AK8: variants seen among roughly 807,000 people sequenced by gnomAD.
AK8 encodes ATP-AMP transphosphorylase 8.
In AK8, 44 loss-of-function variants were observed where a neutral mutation model predicts 54.6. That is an observed-to-expected ratio of 0.81 (90% CI 0.63 to 1.04). The LOEUF (loss-of-function observed/expected upper bound fraction) is 1.04. Among genes scored for constraint, AK8 ranks in the 50% least tolerant of loss-of-function variants. AK8 has a pLI of 0.00. For synonymous variants in AK8, 239 were observed against 245.6 expected (o/e 0.97, Z 0.25); for missense variants, 555 against 613.6 (o/e 0.90, Z 1.01).
At chr9:132,798,477 G>T (rs1188891779) in intron 10 of AK8, among the ~76,000 whole-genome samples, 1 of 152,152 alleles carries the variant, frequency 6.6e-6, no homozygotes, top group Non-Finnish European at 1.5e-5. Context: ...CCTCCTCTCA[G>T]ACAGAGATTT....
rs147823096 is a variant in AK8, at chr9:132,875,523, T to C, written c.85-324A>G. Among the ~76,000 whole-genome samples the C allele has an allele frequency of 7.4e-4, 112 of 152,322 alleles. 1 individual carries two copies. The highest frequency in any genetic ancestry group is 2.4e-3 in the African/African-American group (99 of 41,584). On this transcript the variant is annotated intron_variant, in intron 1 of 12. Coordinates refer to ENST00000298545, the MANE Select transcript of AK8 (RefSeq NM_152572.3). ...CCAGCCTTCTCCAAGTTCTCAAGCA[T>C]CACCATTCCCCTCAGAGCCTTAGCA...
intron 10 of AK8, among the ~76,000 whole-genome samples, chr9:132,794,673 T>C (rs192006034): frequency 2.1e-4 from 32 of 152,318 alleles, no homozygotes; most frequent in Admixed American, 2.6e-4. Context: ...GTCTGGCACA[T>C]AGTAGGTGTT....
At chr9:132,858,911 G>T (rs1843278744) in intron 4 of AK8, among the ~76,000 whole-genome samples, 1 of 152,186 alleles carries the variant, frequency 6.6e-6, no homozygotes, top group Non-Finnish European at 1.5e-5. Context: ...CTGGATGAAG[G>T]CCAGGAAATT....
At chr9:132,843,586 G>A (rs1842626955) in intron 5 of AK8, among the ~76,000 whole-genome samples, 1 of 152,206 alleles carries the variant, frequency 6.6e-6, no homozygotes. Flanking sequence ...AAGGTGGCGG[G>A]TACTGAGTGG....
At chr9:132,852,826 A>G (rs1843022072) in intron 5 of AK8, among the ~76,000 whole-genome samples, 1 of 151,174 alleles carries the variant, frequency 6.6e-6, no homozygotes, top group African/African-American at 2.4e-5. Flanking sequence ...AGAAAAAAAA[A>G]GACTGGAGCC....
chr9:132,756,946 T>TC (rs145126343), intron 11 of AK8, among the ~76,000 whole-genome samples: 218 of 152,002 alleles, frequency 1.4e-3, no homozygotes, highest in Admixed American at 4.0e-3. Flanking sequence ...CAAAGCCATT[T>TC]CCCCCCCAAA....
chr9:132,772,212 G>A (rs575970902), intron 11 of AK8, among the ~76,000 whole-genome samples: 35 of 152,302 alleles, frequency 2.3e-4, no homozygotes, highest in African/African-American at 8.4e-4. Context: ...CTCACTGGGT[G>A]TTAGACTCTG....
At chr9:132,730,617 A>G (rs530180169) in intron 11 of AK8, among the ~76,000 whole-genome samples, 7 of 152,210 alleles carry the variant, frequency 4.6e-5, no homozygotes, top group Non-Finnish European at 7.4e-5. Flanking sequence ...AGAACTGCTC[A>G]GTCAGGGGCA....
At chr9:132,875,070 G>GGAT in intron 2 of AK8, 45 bp downstream of exon 2, 3 of 1,610,686 alleles carry the variant, frequency 1.9e-6, no homozygotes, top group Non-Finnish European at 2.5e-6. Flanking sequence ...AGGAGGAGGA[G>GGAT]GGGAAGGGAA....
At chr9:132,731,519 C>G (rs1256664858) in intron 11 of AK8, among the ~76,000 whole-genome samples, 3 of 152,162 alleles carry the variant, frequency 2.0e-5, no homozygotes, top group African/African-American at 7.2e-5. Context: ...AGAAGGCGAA[C>G]TGGTCTCTCT....
rs529615977 is a variant in AK8, at chr9:132,732,702, CAGA to C, written c.1122-5171_1122-5169del. Among the ~76,000 whole-genome samples, 635 of 152,226 alleles carry C rather than the reference CAGA, an allele frequency of 4.2e-3. 1 individual carries two copies. The highest frequency in any genetic ancestry group is 6.7e-3 in the Non-Finnish European group (456 of 68,008). On this transcript the variant is annotated intron_variant, in intron 11 of 12. Coordinates refer to ENST00000298545, the MANE Select transcript of AK8 (RefSeq NM_152572.3). ...GAGAATGAAGTTCACGCCACGAGAG[CAGA>C]AAGATGGTGAGAGACATTGTTTGGG...
At chr9:132,871,240 CA>C (rs202221001) in intron 2 of AK8, among the ~76,000 whole-genome samples, 2,548 of 152,134 alleles carry the variant, frequency 0.017, 46 homozygotes, top group Middle Eastern at 0.027. Flanking sequence ...AGCCAGACTC[CA>C]TCTCAAAACA....
chr9:132,863,557 T>A lies in AK8; in HGVS notation c.333+108A>T, dbSNP rs376810902. 7.1e-4 allele frequency: 521 copies of A among 730,020 alleles called. 12 individuals carry two copies. In the South Asian group the frequency reaches 9.1e-3, roughly 13 times the overall value. 45.2% of individuals were successfully genotyped at this position (730,020 alleles called of 1,614,324 possible). ...ATTTTACCCCAGCATTTTCTTGTAC[T>A]CAATCAAAAATGAAATGGGAACAAA... On this transcript the variant is annotated intron_variant, in intron 4 of 12. Coordinates refer to ENST00000298545, the MANE Select transcript of AK8 (RefSeq NM_152572.3).
rs78546243 is a variant in AK8 at position 132,860,804 on chromosome 9, T to A, written c.333+2861A>T. On this transcript the variant is annotated intron_variant, in intron 4 of 12. Coordinates refer to ENST00000298545, the MANE Select transcript of AK8 (RefSeq NM_152572.3). The surrounding 1 kb of genome is among the most constrained non-coding windows in gnomAD (Gnocchi z 4.4). ...GGCTTCCCGGGTGGGCTCTTGCAGGTCATGGGTTGGTCTCCTGGGTGGGCT... is the reference window on the plus strand; with the variant it reads ...GGCTTCCCGGGTGGGCTCTTGCAGGACATGGGTTGGTCTCCTGGGTGGGCT... Among the ~76,000 whole-genome samples the A allele has an allele frequency of 1.2e-4, 18 of 152,316 alleles. No homozygotes were observed. In the East Asian group the frequency reaches 1.9e-3, roughly 16 times the overall value.
chr9:132,876,650 G>A (rs889059075), intron 1 of AK8, among the ~76,000 whole-genome samples: 1 of 152,150 alleles, frequency 6.6e-6, no homozygotes, highest in South Asian at 2.1e-4. Context: ...ATGTTATCAC[G>A]GGGGCAATGT....
At chr9:132,769,065 T>G (rs2131080753) in intron 11 of AK8, 1 of 93,590 alleles carries the variant, frequency 1.1e-5, no homozygotes, top group South Asian at 2.9e-4. Flanking sequence ...AAGTAAGTGC[T>G]AGGAGGGGAA....
At chr9:132,848,906 C>CTTTTTT (rs577735065) in intron 5 of AK8, among the ~76,000 whole-genome samples, 1 of 118,556 alleles carries the variant, frequency 8.4e-6, no homozygotes, top group Admixed American at 8.6e-5. Flanking sequence ...CTCCTGTTTG[C>CTTTTTT]TTTTTTTTTT....
intron 9 of AK8, among the ~76,000 whole-genome samples, chr9:132,815,313 T>A (rs1419766443): frequency 6.6e-6 from 1 of 152,164 alleles, no homozygotes; most frequent in Admixed American, 6.5e-5. Flanking sequence ...ATCCCAGCTT[T>A]TTGGCTGAGG....
rs746955299 is a variant in AK8 at position 132,860,467 on chromosome 9, G to C, written c.333+3198C>G. Among the ~76,000 whole-genome samples the C allele has an allele frequency of 6.6e-6, 1 of 152,210 alleles. No individual in the cohort carries two copies. The highest frequency in any genetic ancestry group is 2.1e-4 in the South Asian group (1 of 4,832). ...AGCATCGTTCACATCTGGCGGACTC[G>C]AACGCAGGTAGAGGACAGGGAGAGT... On this transcript the variant is annotated intron_variant, in intron 4 of 12. Transcript: ENST00000298545. This position sits in a 1 kb window ranked among gnomAD's most constrained non-coding sequence, Gnocchi z 4.4.
Sources: allele counts gnomAD v4.1 joint callset (sites outside exome capture counted in the v4.1 genomes callset), GRCh38; gene constraint gnomAD v4.1.1; non-coding constraint Gnocchi (gnomAD v3.1); transcripts MANE v1.5; gene names NCBI Gene and HGNC (gene_info 2026-07-23, HGNC 2026-07-21).